Variants in MAGI1 observed in about 807,000 individuals in gnomAD.
MAGI1 encodes membrane-associated guanylate kinase, WW and PDZ domain-containing protein 1.
MAGI1 carries 58 observed loss-of-function variants against 139.9 expected under a neutral mutation model. The ratio of observed to expected loss-of-function variants is 0.41; its 90% confidence interval spans 0.34 to 0.52. MAGI1 has a LOEUF of 0.52. Ranked by LOEUF, MAGI1 falls within the 20% of genes least tolerant of loss-of-function variation. The pLI is 0.12. For synonymous variants in MAGI1, 812 were observed against 737.9 expected (o/e 1.10, Z -1.63); for missense variants, 1,874 against 1,901.6 (o/e 0.99, Z 0.27).
intron 15 of MAGI1, 83 bp downstream of exon 15, chr3:65,383,449 A>C: frequency 1.0e-6 from 1 of 996,464 alleles, no homozygotes; most frequent in Non-Finnish European, 1.6e-6. Context: ...CTGGACTTAA[A>C]TCTTGGTGAT....
intron 2 of MAGI1, among the ~76,000 whole-genome samples, chr3:65,519,869 C>G (rs1364580228): frequency 6.6e-6 from 1 of 152,166 alleles, no homozygotes; most frequent in Non-Finnish European, 1.5e-5. Flanking sequence ...TTGTGTTGGC[C>G]TTAGTGGCTT....
intron 2 of MAGI1, chr3:65,549,351 C>CCCCCT: frequency 2.3e-6 from 2 of 856,244 alleles, no homozygotes; most frequent in Non-Finnish European, 2.8e-6. Context: ...CCCTTCCTAA[C>CCCCCT]CCCCTCCCCT....
chr3:65,471,367 T>A (rs1278183820), intron 4 of MAGI1, among the ~76,000 whole-genome samples: 4 of 152,162 alleles, frequency 2.6e-5, no homozygotes, highest in Non-Finnish European at 4.4e-5. Context: ...AATTTCTATC[T>A]CCCACAGTAA....
At chr3:65,467,769 T>G (rs1458327260) in intron 5 of MAGI1, among the ~76,000 whole-genome samples, 2 of 152,238 alleles carry the variant, frequency 1.3e-5, no homozygotes, top group Non-Finnish European at 2.9e-5. Context: ...TCACAGATTA[T>G]TCTGTACCAG....
chr3:65,838,486 T>C (rs1016025454), intron 1 of MAGI1, among the ~76,000 whole-genome samples: 3 of 152,226 alleles, frequency 2.0e-5, no homozygotes, highest in Non-Finnish European at 4.4e-5. Flanking sequence ...AATCATACAA[T>C]ATATGACCTT....
intron 17 of MAGI1, among the ~76,000 whole-genome samples, chr3:65,377,949 T>C (rs1942688421): frequency 6.6e-6 from 1 of 152,094 alleles, no homozygotes; most frequent in African/African-American, 2.4e-5. Context: ...TGCTAAAGGG[T>C]TGTAGCACCT....
intron 1 of MAGI1, among the ~76,000 whole-genome samples, chr3:65,750,162 C>T (rs568773466): frequency 6.6e-6 from 1 of 152,168 alleles, no homozygotes; most frequent in African/African-American, 2.4e-5. Flanking sequence ...AAGATGGTCC[C>T]GTAATTGGCA....
intron 2 of MAGI1, among the ~76,000 whole-genome samples, chr3:65,618,801 A>C (rs2083507810): frequency 6.6e-6 from 1 of 152,090 alleles, no homozygotes; most frequent in South Asian, 2.1e-4. Context: ...CAGTACTACT[A>C]TTTCCATTTT....
At chr3:65,515,750 T>G (rs1011041980) in intron 2 of MAGI1, among the ~76,000 whole-genome samples, 1 of 152,196 alleles carries the variant, frequency 6.6e-6, no homozygotes, top group Non-Finnish European at 1.5e-5. Flanking sequence ...CCATCAGAAT[T>G]GTCACTTGTC....
intron 1 of MAGI1, among the ~76,000 whole-genome samples, chr3:65,958,437 A>C (rs772960107): frequency 1.3e-5 from 2 of 152,220 alleles, no homozygotes; most frequent in Non-Finnish European, 2.9e-5. Flanking sequence ...GAAGAGGCTT[A>C]CCTGCACAGT....
intron 1 of MAGI1, among the ~76,000 whole-genome samples, chr3:65,681,949 C>T (rs957719709): frequency 1.5e-4 from 23 of 152,132 alleles, no homozygotes; most frequent in Admixed American, 1.2e-3. Context: ...TATCCTCCCA[C>T]CTCAGCCTCC....
chr3:65,471,886 G>A (rs1950579441), intron 4 of MAGI1, among the ~76,000 whole-genome samples: 1 of 152,118 alleles, frequency 6.6e-6, no homozygotes, highest in African/African-American at 2.4e-5. Flanking sequence ...GCAGGTGCTG[G>A]AGCCATCTTG....
At chr3:65,579,123 T>G (rs2081308092) in intron 2 of MAGI1, among the ~76,000 whole-genome samples, 1 of 151,972 alleles carries the variant, frequency 6.6e-6, no homozygotes, top group Non-Finnish European at 1.5e-5. Flanking sequence ...TGTGTATGAA[T>G]CACATTGTCC....
At chr3:65,566,116 T>C (rs568809070) in intron 2 of MAGI1, among the ~76,000 whole-genome samples, 19 of 151,778 alleles carry the variant, frequency 1.3e-4, no homozygotes, top group African/African-American at 4.6e-4. Flanking sequence ...TAGCTGGGCA[T>C]GGTGGCAGGC....
At chr3:65,785,769 T>G (rs2039326089) in intron 1 of MAGI1, among the ~76,000 whole-genome samples, 1 of 152,148 alleles carries the variant, frequency 6.6e-6, no homozygotes, top group Non-Finnish European at 1.5e-5. Context: ...TCACCTACCT[T>G]GGAGACTACA....
intron 1 of MAGI1, among the ~76,000 whole-genome samples, chr3:65,896,962 C>G (rs959819891): frequency 3.9e-5 from 6 of 151,934 alleles, no homozygotes; most frequent in African/African-American, 1.5e-4. Flanking sequence ...CCCAGGATCC[C>G]CTTGGATACC....
chr3:65,477,309 A>G (rs896868337), intron 4 of MAGI1, among the ~76,000 whole-genome samples: 2 of 152,132 alleles, frequency 1.3e-5, no homozygotes, highest in African/African-American at 4.8e-5. Flanking sequence ...TAAATAACAA[A>G]CTTTTCCTAA....
intron 2 of MAGI1, among the ~76,000 whole-genome samples, chr3:65,510,751 C>T (rs199770991): frequency 0.17 from 19,631 of 118,002 alleles, 1,537 homozygotes; most frequent in South Asian, 0.22. Context: ...TCCAGGAGAA[C>T]TTCCCCAATC....
rs542316243 is a variant in MAGI1 at position 65,556,604 on chromosome 3, T to C, written c.431-62973A>G. 1.1e-4 allele frequency among the ~76,000 whole-genome samples: 16 copies of C among 152,342 alleles called. No individual in the cohort carries two copies. In the East Asian group the frequency reaches 2.5e-3, roughly 24 times the overall value. Reference sequence around the variant, plus strand: ...ATTCTGACAATTTTCCTCCTAAATATATTTCATGCATTCACTACAATTTCT... The same window carrying C: ...ATTCTGACAATTTTCCTCCTAAATACATTTCATGCATTCACTACAATTTCT... On this transcript the variant is annotated intron_variant, in intron 2 of 22. Coordinates refer to ENST00000402939, the MANE Select transcript of MAGI1 (RefSeq NM_001033057.2).
Sources: gnomAD v4.1 joint callset for allele counts (sites outside exome capture counted in the v4.1 genomes callset) on GRCh38, gnomAD v4.1.1 for gene constraint, MANE v1.5 for transcripts, NCBI Gene and HGNC (gene_info 2026-07-23, HGNC 2026-07-21) for gene names.